PWWP3B: variants seen among roughly 807,000 people sequenced by gnomAD.
PWWP3B encodes PWWP domain-containing DNA repair factor 3B.
In PWWP3B, 5 loss-of-function variants were observed where a neutral mutation model predicts 15.7. That is an observed-to-expected ratio of 0.32 (90% CI 0.17 to 0.67). The LOEUF (loss-of-function observed/expected upper bound fraction) is 0.67, where lower values mean the gene tolerates loss of function less well. Ranked by LOEUF, PWWP3B falls within the 30% of genes least tolerant of loss-of-function variation. PWWP3B has a pLI of 0.74. For synonymous variants in PWWP3B, 203 were observed against 179.8 expected (o/e 1.13, Z -1.03); for missense variants, 519 against 493.1 (o/e 1.05, Z -0.50).
intron 2 of PWWP3B, among the ~76,000 whole-genome samples, chrX:106,191,228 T>C (rs1289096119): frequency 9.0e-6 from 1 of 111,197 alleles, no homozygotes; most frequent in Admixed American, 9.5e-5. Context: ...CATTGAGCAG[T>C]GGTTTGTAGT....
rs765523262 is a variant in PWWP3B, at chrX:106,192,432, T to C, written c.-400-11553T>C. Among the ~76,000 whole-genome samples, 383 of 111,694 alleles carry C rather than the reference T, an allele frequency of 3.4e-3. 3 individuals carry two copies. The highest frequency in any genetic ancestry group is 0.012 in the African/African-American group (367 of 30,748). ...TTGCATCTATTTGATTCTTCTCTCT[T>C]TTCTTCTTTATTAGTCTTGGTAGCG... On this transcript the variant is annotated intron_variant, in intron 2 of 3. Coordinates refer to ENST00000357175, the MANE Select transcript of PWWP3B (RefSeq NM_001171020.2).
At chrX:106,189,427 G>A (rs1486557433) in intron 2 of PWWP3B, among the ~76,000 whole-genome samples, 2 of 107,876 alleles carry the variant, frequency 1.9e-5, no homozygotes, top group East Asian at 3.0e-4. Flanking sequence ...TCCCCTTTCT[G>A]TGTCCATGTG....
intron 2 of PWWP3B, among the ~76,000 whole-genome samples, chrX:106,180,171 G>T (rs1164213967): frequency 9.0e-6 from 1 of 111,183 alleles, no homozygotes; most frequent in Non-Finnish European, 1.9e-5. Context: ...CCTAGAATAA[G>T]CCTTGAGAGA....
chrX:106,172,908 A>G (rs1921696145), intron 2 of PWWP3B, among the ~76,000 whole-genome samples: 1 of 111,914 alleles, frequency 8.9e-6, no homozygotes, highest in East Asian at 2.8e-4. Flanking sequence ...TCAGTGTTAC[A>G]ATGGCTGTGA....
In PWWP3B at chrX:106,207,112, T is replaced by C; in HGVS notation, c.1680T>C (p.Ile560=). 8.3e-7 allele frequency: 1 copy of C among 1,206,675 alleles called. No homozygotes were observed. Among genetic ancestry groups the C allele is most frequent in the Non-Finnish European group, 1.1e-6 (1 of 892,736 alleles). The change falls in exon 4 of 4, where the codon ATT becomes ATC. Residue 560 remains isoleucine, a synonymous_variant. Coordinates refer to ENST00000357175, the MANE Select transcript of PWWP3B (RefSeq NM_001171020.2). Reference sequence around the variant, plus strand: ...CCAACAAGAACCTGGTGGACTTCATTGTGAATGCAAAGGGAACAGAGAACC... The same window carrying C: ...CCAACAAGAACCTGGTGGACTTCATCGTGAATGCAAAGGGAACAGAGAACC... The part of the protein sequence containing the change: ...DRANKNLVDF[I]VNAKGTENHL...
chrX:106,195,301 C>T (rs1334631201), intron 2 of PWWP3B, among the ~76,000 whole-genome samples: 1 of 111,303 alleles, frequency 9.0e-6, no homozygotes, highest in Non-Finnish European at 1.9e-5. Context: ...AGTATTGTCT[C>T]CCAATCTGGG....
chrX:106,206,810 G>A lies in PWWP3B; in HGVS notation c.1378G>A (p.Glu460Lys). 8.3e-7 allele frequency: 1 copy of A among 1,211,449 alleles called. No homozygotes were observed. Among genetic ancestry groups the A allele is most frequent in the Non-Finnish European group, 1.1e-6 (1 of 895,132 alleles). The change falls in exon 4 of 4, where the codon GAG becomes AAG. Residue 460 changes from glutamate (E) to lysine (K), a missense_variant. By Grantham distance (56) the Glu-to-Lys change is moderately conservative (BLOSUM62 1). Transcript: ENST00000357175. ...EKQMLVDKAR[E>K]DYSESIDWCI... ...ACAAATGCTAGTGGACAAAGCCAGG[G>A]AGGATTATAGTGAGAGTATTGACTG...
Position 106,206,555 on chromosome X carries a change from G to A in PWWP3B, c.1123G>A (p.Asp375Asn), listed in dbSNP as rs889988036. ...NLSLLDDDEE[D>N]EELPRFILHY... ...TTCTCTATTAGATGATGATGAGGAAGACGAAGAACTTCCACGCTTCATTTT... is the reference window on the plus strand; with the variant it reads ...TTCTCTATTAGATGATGATGAGGAAAACGAAGAACTTCCACGCTTCATTTT... The change falls in exon 4 of 4, where the codon GAC becomes AAC. Residue 375 changes from aspartate to asparagine, a missense_variant. By Grantham distance (23) the Asp-to-Asn change is conservative (BLOSUM62 1). Transcript: ENST00000357175. 43 of 1,209,183 alleles carry A rather than the reference G, an allele frequency of 3.6e-5. No individual in the cohort carries two copies. Among genetic ancestry groups the A allele is most frequent in the Non-Finnish European group, 4.7e-5 (42 of 894,327 alleles).
chrX:106,171,475 A>AT (rs1921610117), intron 2 of PWWP3B, among the ~76,000 whole-genome samples: 1 of 111,911 alleles, frequency 8.9e-6, no homozygotes, highest in South Asian at 3.8e-4. Context: ...CTAGGTTGTC[A>AT]TACCATAAAC....
chrX:106,200,755 AAC>A (rs1241354828), intron 2 of PWWP3B, among the ~76,000 whole-genome samples: 2 of 111,862 alleles, frequency 1.8e-5, no homozygotes, highest in African/African-American at 6.5e-5. Flanking sequence ...AAACATAAGA[AAC>A]AGAATTGCCG....
chrX:106,189,575 C>A (rs1279270633), intron 2 of PWWP3B, among the ~76,000 whole-genome samples: 1 of 107,137 alleles, frequency 9.3e-6, no homozygotes, highest in Non-Finnish European at 1.9e-5. Flanking sequence ...TTTTTTATGG[C>A]TGCATAGTAT....
At chrX:106,199,913 C>T (rs746439841) in intron 2 of PWWP3B, among the ~76,000 whole-genome samples, 7 of 111,408 alleles carry the variant, frequency 6.3e-5, no homozygotes, top group African/African-American at 2.3e-4. Context: ...AAAATTAAAC[C>T]AGTAACAGAA....
intron 2 of PWWP3B, among the ~76,000 whole-genome samples, chrX:106,202,541 G>A (rs1292752066): frequency 9.0e-6 from 1 of 111,538 alleles, no homozygotes; most frequent in African/African-American, 3.3e-5. Flanking sequence ...GATCAAGTGG[G>A]TAGCATAGTT....
intron 2 of PWWP3B, among the ~76,000 whole-genome samples, chrX:106,186,562 C>T (rs1922522696): frequency 9.0e-6 from 1 of 111,236 alleles, no homozygotes; most frequent in South Asian, 3.8e-4. Context: ...TCGTGTTTGC[C>T]AAGATGTGTC....
chrX:106,190,345 T>G (rs1481340623), intron 2 of PWWP3B, among the ~76,000 whole-genome samples: 2 of 112,512 alleles, frequency 1.8e-5, no homozygotes, highest in African/African-American at 6.5e-5. Flanking sequence ...ATGTCTTCTT[T>G]TGAGAAGTGT....
chrX:106,182,341 C>T lies in PWWP3B; in HGVS notation c.-401+11202C>T, dbSNP rs143942048. Among the ~76,000 whole-genome samples the T allele has an allele frequency of 5.8e-3, 647 of 111,258 alleles. 4 individuals carry two copies. The highest frequency in any genetic ancestry group is 8.2e-3 in the Non-Finnish European group (436 of 53,087). On this transcript the variant is annotated intron_variant, in intron 2 of 3. Coordinates refer to ENST00000357175, the MANE Select transcript of PWWP3B (RefSeq NM_001171020.2). Reference sequence around the variant, plus strand: ...TATTAGTTGTATGGCTCTGTACTGACGGACTTGAGCTTTGAGGGGCACTGA... The same window carrying T: ...TATTAGTTGTATGGCTCTGTACTGATGGACTTGAGCTTTGAGGGGCACTGA...
chrX:106,172,264 AT>A (rs909149377), intron 2 of PWWP3B, among the ~76,000 whole-genome samples: 4 of 109,933 alleles, frequency 3.6e-5, no homozygotes, highest in Admixed American at 2.0e-4. Flanking sequence ...AAAAAAAAAT[AT>A]TTTTTTAATA....
chrX:106,184,916 T>C (rs904415758), intron 2 of PWWP3B, among the ~76,000 whole-genome samples: 18 of 110,260 alleles, frequency 1.6e-4, no homozygotes, highest in African/African-American at 5.6e-4. Context: ...TCCTTCTGGG[T>C]GGGGGAGATT....
chrX:106,196,916 A>T (rs995320534), intron 2 of PWWP3B, among the ~76,000 whole-genome samples: 1 of 111,053 alleles, frequency 9.0e-6, no homozygotes, highest in Non-Finnish European at 1.9e-5. Context: ...TTTTTCAACG[A>T]TTTTCCACTC....
Sources: allele counts gnomAD v4.1 joint callset (sites outside exome capture counted in the v4.1 genomes callset), GRCh38; gene constraint gnomAD v4.1.1; transcripts MANE v1.5; gene names NCBI Gene and HGNC (gene_info 2026-07-23, HGNC 2026-07-21).